The following HK2 variants were observed in gnomAD, a reference collection of about 807,000 sequenced individuals.
The protein encoded by HK2 is hexokinase-2.
A neutral mutation model predicts 92.9 loss-of-function variants in HK2; 42 were observed. The observed-to-expected ratio is 0.45, with a 90% CI of 0.35 to 0.58. The LOEUF (loss-of-function observed/expected upper bound fraction) is 0.58. HK2 is among the 20% of genes least tolerant of loss of function. The pLI, the probability that HK2 is intolerant of heterozygous loss-of-function variation, is 0.00. For missense variants in HK2, 978 were observed against 1,245.1 expected (o/e 0.79, Z 3.23); for synonymous variants, 422 against 468.0 (o/e 0.90, Z 1.27).
rs557648610 is a variant in HK2 at position 74,834,616 on chromosome 2, G to A, written c.36G>A (p.Thr12=). ...CGCATCTGCTTGCCTACTTCTTCAC[G>A]GAGCTCAACCATGACCAAGTGCAGA... ...IASHLLAYFF[T]ELNHDQVQKV... Residue 12 remains threonine (T), a synonymous_variant, in exon 1 of 18, where the codon ACG becomes ACA. Transcript: ENST00000290573. The surrounding 1 kb of genome is among the most constrained non-coding windows in gnomAD (Gnocchi z 4.2). 1 of 1,613,924 alleles carries A rather than the reference G, an allele frequency of 6.2e-7. No individual in the cohort carries two copies. Among genetic ancestry groups the A allele is most frequent in the Admixed American group, 1.7e-5 (1 of 60,026 alleles).
At chr2:74,842,612 G>A (rs1688339654) in intron 1 of HK2, among the ~76,000 whole-genome samples, 2 of 152,196 alleles carry the variant, frequency 1.3e-5, no homozygotes, top group South Asian at 4.1e-4. Context: ...GTGTCTCTGT[G>A]TGACGTTGGA....
chr2:74,834,742 A>G lies in HK2; in HGVS notation c.63+99A>G. On this transcript the variant is annotated intron_variant, in intron 1 of 17. Transcript: ENST00000290573. This position sits in a 1 kb window ranked among gnomAD's most constrained non-coding sequence, Gnocchi z 4.2. ...CCCTGCGGGGACCCGCTTCCTCCCT[A>G]CTCCGGGCCTGGGAGCGGAAAAAGT... 2 of 1,362,660 alleles carry G rather than the reference A, an allele frequency of 1.5e-6. No homozygotes were observed. Among genetic ancestry groups the G allele is most frequent in the Admixed American group, 1.7e-5 (1 of 58,596 alleles). The allele number at this position is 1,362,660 out of a possible 1,614,324, so 84.4% of individuals were successfully genotyped here. A position where few individuals can be genotyped will look rare whatever the true frequency, so the allele number is the denominator to read the frequency against.
intron 8 of HK2, among the ~76,000 whole-genome samples, chr2:74,878,432 T>TGTGTGTGCGCGCACGCACATGCGTGTGC (rs1553449237): frequency 7.9e-4 from 119 of 150,670 alleles, no homozygotes; most frequent in African/African-American, 2.8e-3. Flanking sequence ...TGTGTGTGTG[T>TGTGTGTGCGCGCACGCACATGCGTGTGC]GTGTGTGCGC....
At chr2:74,843,598 T>C (rs776400855) in intron 1 of HK2, among the ~76,000 whole-genome samples, 41 of 152,272 alleles carry the variant, frequency 2.7e-4, no homozygotes, top group Non-Finnish European at 5.7e-4. Flanking sequence ...CTGGAAGCCC[T>C]TGGGGCCCAC....
intron 3 of HK2, among the ~76,000 whole-genome samples, chr2:74,870,293 A>G (rs368740015): frequency 6.6e-5 from 10 of 152,092 alleles, no homozygotes; most frequent in East Asian, 5.8e-4. Flanking sequence ...TACAGGCAGG[A>G]GCCACTGCGC....
At chr2:74,882,705 A>G (rs955033399) in intron 12 of HK2, among the ~76,000 whole-genome samples, 5 of 149,002 alleles carry the variant, frequency 3.4e-5, no homozygotes, top group African/African-American at 4.9e-5. Flanking sequence ...CAGCAACCAT[A>G]TAAGAGATAT....
At chr2:74,853,521 CAACAACAACAACA>C (rs1204328655) in intron 1 of HK2, among the ~76,000 whole-genome samples, 1 of 6,212 alleles carries the variant, frequency 1.6e-4, no homozygotes, top group African/African-American at 4.2e-3. Flanking sequence ...AGCCTCAAAA[CAACAACAACAACA>C]ACAACAACAA....
rs528726887 is a variant in HK2, at chr2:74,880,578, C to T, written c.1570+9C>T. The T allele has an allele frequency of 6.2e-7, 1 of 1,612,044 alleles. No homozygotes were observed. Among genetic ancestry groups the T allele is most frequent in the Admixed American group, 1.7e-5 (1 of 59,716 alleles). On this transcript the variant is annotated intron_variant, in intron 10 of 17. Coordinates refer to ENST00000290573, the MANE Select transcript of HK2 (RefSeq NM_000189.5). ...TACCCCGGACGGCACAGGTACACGG[C>T]AGGGTTGCCACCTGGCTCACATGGT...
At chr2:74,867,932 C>G in intron 3 of HK2, 148 bp downstream of exon 3, 1 of 876,564 alleles carries the variant, frequency 1.1e-6, no homozygotes, top group South Asian at 1.3e-5. Flanking sequence ...GGCTCCCTCT[C>G]AGCCGGAGCT....
At chr2:74,844,938 G>C (rs1024203613) in intron 1 of HK2, among the ~76,000 whole-genome samples, 2 of 152,178 alleles carry the variant, frequency 1.3e-5, no homozygotes, top group African/African-American at 4.8e-5. Context: ...AAGGTTTCTT[G>C]AGCACCTATT....
intron 2 of HK2, among the ~76,000 whole-genome samples, chr2:74,859,600 A>G (rs567023515): frequency 6.6e-6 from 1 of 152,272 alleles, no homozygotes; most frequent in South Asian, 2.1e-4. Context: ...GAGGCAGAGC[A>G]TTCCAGCCTG....
At chr2:74,874,484 G>T (rs928342968) in intron 7 of HK2, 35 bp downstream of exon 7, 2 of 1,559,498 alleles carry the variant, frequency 1.3e-6, no homozygotes, top group East Asian at 2.4e-5. Flanking sequence ...TGGGCTTGGC[G>T]GGGGCCTGGA....
intron 7 of HK2, among the ~76,000 whole-genome samples, chr2:74,875,548 C>T (rs779579348): frequency 2.0e-5 from 3 of 152,132 alleles, no homozygotes; most frequent in Non-Finnish European, 2.9e-5. Context: ...AGACTGGTCT[C>T]GAACTCCCGA....
chr2:74,887,853 C>T (rs1397204947), intron 15 of HK2, 50 bp from the exon 16 acceptor site: 2 of 1,593,332 alleles, frequency 1.3e-6, no homozygotes, highest in African/African-American at 1.3e-5. Context: ...TGTCTCAACA[C>T]ATCCCTCCAC....
intron 1 of HK2, among the ~76,000 whole-genome samples, chr2:74,838,759 C>T (rs997594331): frequency 2.6e-5 from 4 of 152,082 alleles, no homozygotes; most frequent in Non-Finnish European, 4.4e-5. Flanking sequence ...AGGATGGTCT[C>T]AATCTCCTGA....
chr2:74,888,719 G>A (rs1391135914), intron 16 of HK2, among the ~76,000 whole-genome samples: 2 of 152,220 alleles, frequency 1.3e-5, no homozygotes, highest in African/African-American at 4.8e-5. Flanking sequence ...TCAGCGAGGT[G>A]ATTCCAGGCT....
intron 16 of HK2, 152 bp downstream of exon 16, chr2:74,888,210 C>T: frequency 1.3e-6 from 1 of 792,652 alleles, no homozygotes; most frequent in Non-Finnish European, 2.1e-6. Flanking sequence ...ACTAAAAGCA[C>T]ATTATGGGCA....
In HK2 at chr2:74,867,772, C is replaced by T; in HGVS notation, c.363C>T (p.Gly121=). 6.2e-7 allele frequency: 1 copy of T among 1,614,078 alleles called. No individual in the cohort carries two copies. The highest frequency in any genetic ancestry group is 2.2e-5 in the East Asian group (1 of 44,866). ...CCATCCCTGAGGACATCATGCGAGGCAGTGGCACCCAGGTATGACCCTTCT... is the reference window on the plus strand; with the variant it reads ...CCATCCCTGAGGACATCATGCGAGGTAGTGGCACCCAGGTATGACCCTTCT... ...IYAIPEDIMR[G]SGTQLFDHIA... Residue 121 remains glycine (G), a synonymous_variant, in exon 3 of 18, where the codon GGC becomes GGT. Coordinates refer to ENST00000290573, the MANE Select transcript of HK2 (RefSeq NM_000189.5).
chr2:74,859,074 G>T (rs913044771), intron 2 of HK2, among the ~76,000 whole-genome samples: 1 of 152,172 alleles, frequency 6.6e-6, no homozygotes, highest in Non-Finnish European at 1.5e-5. Context: ...TCTATTTGTC[G>T]TTTTGCTTCT....
Sources: allele counts gnomAD v4.1 joint callset (sites outside exome capture counted in the v4.1 genomes callset), GRCh38; gene constraint gnomAD v4.1.1; non-coding constraint Gnocchi (gnomAD v3.1); transcripts MANE v1.5; gene names NCBI Gene and HGNC (gene_info 2026-07-23, HGNC 2026-07-21).